SLC6A6: variants seen among roughly 807,000 people sequenced by gnomAD.
The protein encoded by SLC6A6 is solute carrier family 6 member 6.
In SLC6A6, 16 loss-of-function variants were observed where a neutral mutation model predicts 68.8. The ratio of observed to expected loss-of-function variants is 0.23; its 90% CI spans 0.16 to 0.35. The LOEUF (loss-of-function observed/expected upper bound fraction) is 0.35, where lower values mean the gene tolerates loss of function less well. SLC6A6 is among the 10% of genes least tolerant of loss of function. The pLI, the probability that SLC6A6 is intolerant of heterozygous loss-of-function variation, is 1.00. For missense variants in SLC6A6, 474 were observed against 802.8 expected, an observed-to-expected ratio of 0.59 and a Z score of 4.95; for synonymous variants, 312 against 315.4, an observed-to-expected ratio of 0.99 and a Z score of 0.12.
intron 2 of SLC6A6, among the ~76,000 whole-genome samples, chr3:14,440,835 C>A (rs1170764978): frequency 2.6e-5 from 4 of 152,078 alleles, no homozygotes; most frequent in East Asian, 1.9e-4. Context: ...CTGCAGCCCC[C>A]ACAGGTGGAG....
chr3:14,483,777 G>T (rs1025140712), intron 14 of SLC6A6, among the ~76,000 whole-genome samples: 3 of 152,112 alleles, frequency 2.0e-5, no homozygotes, highest in Non-Finnish European at 4.4e-5. Flanking sequence ...AAATTCCTGG[G>T]CTCAAGCAAT....
intron 10 of SLC6A6, among the ~76,000 whole-genome samples, chr3:14,475,037 TTTTG>T (rs1287299403): frequency 6.6e-6 from 1 of 152,152 alleles, no homozygotes; most frequent in African/African-American, 2.4e-5. Flanking sequence ...GGACACGGTT[TTTTG>T]TTTGTTTTGA....
intron 6 of SLC6A6, among the ~76,000 whole-genome samples, chr3:14,458,758 G>A (rs1165533498): frequency 1.3e-5 from 2 of 152,230 alleles, no homozygotes; most frequent in Non-Finnish European, 1.5e-5. Context: ...TCAGGAAAGC[G>A]TTAGCTGATA....
intron 6 of SLC6A6, among the ~76,000 whole-genome samples, chr3:14,464,166 G>A (rs1700561477): frequency 6.6e-6 from 1 of 152,294 alleles, no homozygotes; most frequent in South Asian, 2.1e-4. Flanking sequence ...CGGCTTCCTG[G>A]AGGTCTCATG....
intron 1 of SLC6A6, among the ~76,000 whole-genome samples, chr3:14,413,037 G>A (rs966218841): frequency 4.6e-5 from 7 of 152,246 alleles, no homozygotes; most frequent in Non-Finnish European, 5.9e-5. Context: ...CAGCCAAGTC[G>A]GATGTAAATC....
At position 14,472,930 on chromosome 3, in the gene SLC6A6, C is replaced by T. The variant is rs1427117950; in HGVS notation, c.1209+613C>T. 1.3e-5 allele frequency among the ~76,000 whole-genome samples: 2 copies of T among 152,240 alleles called. No homozygotes were observed. Among genetic ancestry groups the T allele is most frequent in the Admixed American group, 1.3e-4 (2 of 15,290 alleles). ...AGGCCGGGAGCCTCGCTCAAACCCGCCCTGACCTCTGGCTGTCCTGGCTTC... is the reference window on the plus strand; with the variant it reads ...AGGCCGGGAGCCTCGCTCAAACCCGTCCTGACCTCTGGCTGTCCTGGCTTC... On this transcript the variant is annotated intron_variant, in intron 10 of 14. Coordinates refer to ENST00000622186, the MANE Select transcript of SLC6A6 (RefSeq NM_003043.6). This position sits in a 1 kb window ranked among gnomAD's most constrained non-coding sequence, Gnocchi z 4.5.
Sources: gnomAD v4.1 joint callset for allele counts (sites outside exome capture counted in the v4.1 genomes callset) on GRCh38, gnomAD v4.1.1 for gene constraint, Gnocchi (gnomAD v3.1) non-coding constraint, MANE v1.5 for transcripts, NCBI Gene and HGNC (gene_info 2026-07-23, HGNC 2026-07-21) for gene names.